Variants in GPR180 observed in about 807,000 individuals in gnomAD.
GPR180 encodes the protein G protein-coupled receptor 180, also known as integral membrane protein GPR180.
GPR180 carries 53 observed loss-of-function variants against 52.6 expected under a neutral mutation model. That is an observed-to-expected ratio of 1.01 (90% confidence interval 0.81 to 1.27). The LOEUF is 1.27. Ranked by LOEUF, GPR180 falls within the 50% of genes most tolerant of loss-of-function variation. GPR180 has a pLI of 0.00. For missense variants in GPR180, 533 were observed against 527.0 expected, an observed-to-expected ratio of 1.01 and a Z score of -0.11; for synonymous variants, 200 against 193.1, an observed-to-expected ratio of 1.04 and a Z score of -0.30.
chr13:94,620,678 A>G (rs888355171), intron 5 of GPR180, among the ~76,000 whole-genome samples: 3 of 152,242 alleles, frequency 2.0e-5, no homozygotes, highest in Admixed American at 1.3e-4. Context: ...TGAAGGTACT[A>G]GTATTCTCCA....
rs114099234 is a variant in GPR180 at position 94,607,197 on chromosome 13, A to G, written c.304+1648A>G. 5.5e-3 allele frequency among the ~76,000 whole-genome samples: 824 copies of G among 150,900 alleles called. 7 individuals are homozygous for G. Among genetic ancestry groups the G allele is most frequent in the African/African-American group, 0.018 (745 of 40,618 alleles). On this transcript the variant is annotated intron_variant, in intron 2 of 8. Transcript: ENST00000376958. ...TTAAGTCTTGAGGTTTTACTTTTAA[A>G]TATCTCTTGAATTCATCTTGCCTTT... is the stretch of plus-strand genomic sequence containing the variant.
At chr13:94,609,232 T>G (rs1889672293) in intron 2 of GPR180, among the ~76,000 whole-genome samples, 1 of 152,242 alleles carries the variant, frequency 6.6e-6, no homozygotes, top group African/African-American at 2.4e-5. Context: ...TCAAATCCTT[T>G]TATAATATGA....
chr13:94,621,280 T>C, intron 6 of GPR180, 45 bp downstream of exon 6: 2 of 1,437,724 alleles, frequency 1.4e-6, no homozygotes, highest in Non-Finnish European at 1.8e-6. Flanking sequence ...TCCTCAGAAA[T>C]GCAAACTTGA....
In GPR180 at chr13:94,631,202, G is replaced by A. The variant is rs562109066; in HGVS notation, c.*4031G>A. 1 of 152,122 alleles carries A rather than the reference G, an allele frequency of 6.6e-6. No homozygotes were observed. Among genetic ancestry groups the A allele is most frequent in the East Asian group, 1.9e-4 (1 of 5,156 alleles). 9.4% of individuals were successfully genotyped at this position (152,122 alleles called of 1,614,324 possible). ...CATCATTCACACTGGAGGATTAGAGGCAGGGAGAGACCTGTATGGCTTCCA... is the reference window on the plus strand; with the variant it reads ...CATCATTCACACTGGAGGATTAGAGACAGGGAGAGACCTGTATGGCTTCCA... On this transcript the variant is annotated 3_prime_UTR_variant, in exon 9 of 9. Transcript: ENST00000376958.
chr13:94,617,070 A>AT (rs1029830157), intron 3 of GPR180, among the ~76,000 whole-genome samples: 7 of 152,094 alleles, frequency 4.6e-5, no homozygotes, highest in Non-Finnish European at 1.0e-4. Context: ...ATCCTAAGAC[A>AT]TTTTTTGCTG....
At position 94,628,522 on chromosome 13, in the gene GPR180, T is replaced by G. The variant is rs867768996; in HGVS notation, c.*1351T>G. The G allele has an allele frequency of 6.6e-6, 1 of 152,108 alleles. No homozygotes were observed. Among genetic ancestry groups the G allele is most frequent in the Admixed American group, 6.5e-5 (1 of 15,268 alleles). The allele number at this position is 152,108 out of a possible 1,614,324, so 9.4% of individuals were successfully genotyped here. ...TAATTAAATAGTTAAAATAATGTAG[T>G]GCAACTTAAAAATATCTATGGCTTT... On this transcript the variant is annotated 3_prime_UTR_variant, in exon 9 of 9. Transcript: ENST00000376958.
At position 94,605,470 on chromosome 13, in the gene GPR180, A is replaced by G; in HGVS notation, c.225A>G (p.Gln75=). The G allele has an allele frequency of 6.2e-7, 1 of 1,614,172 alleles. No homozygotes were observed. The highest frequency in any genetic ancestry group is 8.5e-7 in the Non-Finnish European group (1 of 1,179,986). The change falls in exon 2 of 9, where the codon CAA becomes CAG. Residue 75 remains glutamine, a synonymous_variant. Transcript: ENST00000376958. ...VGKEAKLYLF[Q]AQEWLKLQQS... is the part of the protein sequence containing the mutation. Reference sequence around the variant, plus strand: ...AAGAAGCTAAACTCTACCTGTTCCAAGCCCAGGAATGGCTAAAGCTACAGC... The same window carrying G: ...AAGAAGCTAAACTCTACCTGTTCCAGGCCCAGGAATGGCTAAAGCTACAGC...
intron 5 of GPR180, 92 bp from the exon 6 acceptor site, chr13:94,620,986 T>A (rs1197668629): frequency 1.6e-6 from 2 of 1,227,208 alleles, no homozygotes; most frequent in Non-Finnish European, 2.2e-6. Context: ...GTGGTTTTTC[T>A]TAAAAAAAAA....
intron 3 of GPR180, among the ~76,000 whole-genome samples, chr13:94,613,965 G>A (rs1244992126): frequency 2.0e-5 from 3 of 151,044 alleles, no homozygotes; most frequent in African/African-American, 7.3e-5. Context: ...CGCAACCTCT[G>A]CCTCCCGGGT....
At chr13:94,619,387 T>G (rs1246252909) in intron 4 of GPR180, 57 bp downstream of exon 4, 29 of 1,594,270 alleles carry the variant, frequency 1.8e-5, no homozygotes, top group Non-Finnish European at 2.4e-5. Flanking sequence ...TCCTAATTAG[T>G]CCACCAAAAT....
chr13:94,615,496 A>G (rs1234142721), intron 3 of GPR180, among the ~76,000 whole-genome samples: 1 of 152,220 alleles, frequency 6.6e-6, no homozygotes, highest in African/African-American at 2.4e-5. Context: ...TTTTATATCT[A>G]CCAGACTTTG....
At chr13:94,621,937 GATGAAA>G (rs1889857675) in intron 6 of GPR180, among the ~76,000 whole-genome samples, 1 of 152,150 alleles carries the variant, frequency 6.6e-6, no homozygotes, top group Non-Finnish European at 1.5e-5. Flanking sequence ...ATTAGCTATA[GATGAAA>G]ATGAATTATA....
rs1475783482 is a variant in GPR180, at chr13:94,630,071, AGTAGCCAGAT to A, written c.*2901_*2910del. ...TTTGAGAATTGATATGATTGTTAGAAGTAGCCAGATACGAAGAGGTAATACTGTTTTTTAT... is the reference window on the plus strand; with the variant it reads ...TTTGAGAATTGATATGATTGTTAGAAACGAAGAGGTAATACTGTTTTTTAT... On this transcript the variant is annotated 3_prime_UTR_variant, in exon 9 of 9. Transcript: ENST00000376958. 3 of 152,240 alleles carry A rather than the reference AGTAGCCAGAT, an allele frequency of 2.0e-5. No individual in the cohort carries two copies. Among genetic ancestry groups the A allele is most frequent in the African/African-American group, 7.2e-5 (3 of 41,468 alleles). 9.4% of individuals were successfully genotyped at this position (152,240 alleles called of 1,614,324 possible). A position where few individuals can be genotyped will look rare whatever the true frequency, so the allele number is the denominator to read the frequency against.
rs145026087 is a variant in GPR180 at position 94,626,941 on chromosome 13, AT to A, written c.1165-70del. ...GTATTTATATAAAAAGCATATATAG[AT>A]TCATAATAAATTGAATATTATTTCT... On this transcript the variant is annotated intron_variant, in intron 8 of 8. Transcript: ENST00000376958. 2.8e-3 allele frequency: 3,163 copies of A among 1,133,498 alleles called. 86 individuals carry two copies. In the African/African-American group the frequency reaches 0.045, roughly 16 times the overall value. 70.2% of individuals were successfully genotyped at this position (1,133,498 alleles called of 1,614,324 possible).
At position 94,623,011 on chromosome 13, in the gene GPR180, A is replaced by G. The variant is rs185767388; in HGVS notation, c.895-98A>G. 1.5e-4 allele frequency: 121 copies of G among 814,584 alleles called. No individual in the cohort carries two copies. The East Asian group carries it at 2.7e-3, about 18-fold the overall frequency. The allele number at this position is 814,584 out of a possible 1,614,324, so 50.5% of individuals were successfully genotyped here. On this transcript the variant is annotated intron_variant, in intron 6 of 8. Transcript: ENST00000376958. ...CCTCTATGGTCTGATAGGAATGTTT[A>G]TATAACATTTAAAGGGATGTTTATT... is the stretch of plus-strand genomic sequence containing the variant.
chr13:94,619,092 C>T (rs994929158), intron 3 of GPR180, 58 bp from the exon 4 acceptor site: 8 of 1,355,724 alleles, frequency 5.9e-6, no homozygotes, highest in Middle Eastern at 1.8e-4. Context: ...TTGAAAGCAG[C>T]CCAATACGAT....
In GPR180 at chr13:94,627,069, A is replaced by C; in HGVS notation, c.1221A>C (p.Arg407Ser). The C allele has an allele frequency of 6.2e-7, 1 of 1,611,858 alleles. No homozygotes were observed. Among genetic ancestry groups the C allele is most frequent in the Non-Finnish European group, 8.5e-7 (1 of 1,178,662 alleles). The change falls in exon 9 of 9, where the codon AGA becomes AGC. Residue 407 changes from arginine to serine, a missense_variant. Transcript: ENST00000376958. ...CQSVSMVILYRLFLSHSLYWE... is the reference protein window; with the variant it reads ...CQSVSMVILYSLFLSHSLYWE... ...CTGTTTCCATGGTTATTCTCTACAG[A>C]CTCTTTCTGTCTCACAGTCTATACT...
chr13:94,633,157 G>A lies in GPR180; in HGVS notation c.*5986G>A, dbSNP rs1321826165. ...TTATAGAACCTGAAGGTATTGTGGG[G>A]ACCCCTGAACTTGCAGCCAGTTGGT... On this transcript the variant is annotated 3_prime_UTR_variant, in exon 9 of 9. Transcript: ENST00000376958. 6.6e-6 allele frequency: 1 copy of A among 152,158 alleles called. No individual in the cohort carries two copies. Among genetic ancestry groups the A allele is most frequent in the Non-Finnish European group, 1.5e-5 (1 of 68,058 alleles). The allele number at this position is 152,158 out of a possible 1,614,324, so 9.4% of individuals were successfully genotyped here.
chr13:94,619,473 C>T lies in GPR180; in HGVS notation c.692C>T (p.Ser231Phe), dbSNP rs765660738. ...ACTCTTCTTCAATTCCTCAGTTACT[C>T]CAAAGATGGAATAGGGGTACCATTT... ...LANYIHFSSY[S>F]KDGIGVPFMG... Residue 231 changes from serine to phenylalanine, a missense_variant, in exon 5 of 9, where the codon TCC (serine) becomes TTC (phenylalanine). Coordinates refer to ENST00000376958, the MANE Select transcript of GPR180 (RefSeq NM_180989.6). 7 of 1,612,818 alleles carry T rather than the reference C, an allele frequency of 4.3e-6. No individual in the cohort carries two copies. The Admixed American group carries it at 8.3e-5, about 19-fold the overall frequency.
Sources: gnomAD v4.1 joint callset for allele counts (sites outside exome capture counted in the v4.1 genomes callset) on GRCh38, gnomAD v4.1.1 for gene constraint, MANE v1.5 for transcripts, NCBI Gene and HGNC (gene_info 2026-07-23, HGNC 2026-07-21) for gene names.